NKAIN3: variants seen among roughly 807,000 people sequenced by gnomAD.
The protein encoded by NKAIN3 is sodium/potassium-transporting ATPase subunit beta-1-interacting protein 3.
In NKAIN3, 25 loss-of-function variants were observed where a neutral mutation model predicts 30.2. The ratio of observed to expected loss-of-function variants is 0.83; its 90% CI spans 0.60 to 1.16. The LOEUF (loss-of-function observed/expected upper bound fraction) is 1.16. Ranked by LOEUF, NKAIN3 falls within the 50% of genes most tolerant of loss-of-function variation. The probability of loss-of-function intolerance (pLI) is 0.00; values close to 1 mark genes in which losing one functional copy is unlikely to be tolerated. For synonymous variants in NKAIN3, 91 were observed against 89.6 expected (o/e 1.02, Z -0.09); for missense variants, 225 against 254.1 (o/e 0.89, Z 0.78).
chr8:62,680,659 T>G (rs1813618945), intron 3 of NKAIN3, among the ~76,000 whole-genome samples: 1 of 152,320 alleles, frequency 6.6e-6, no homozygotes, highest in East Asian at 1.9e-4. Context: ...GATTTTCTAA[T>G]GTCTTCTGCC....
chr8:62,637,946 A>G (rs1812185005), intron 3 of NKAIN3, among the ~76,000 whole-genome samples: 1 of 152,192 alleles, frequency 6.6e-6, no homozygotes, highest in Non-Finnish European at 1.5e-5. Context: ...TACTTATGGC[A>G]GTTCTTCATT....
intron 4 of NKAIN3, among the ~76,000 whole-genome samples, chr8:62,784,698 T>A (rs898162988): frequency 4.6e-5 from 7 of 152,160 alleles, no homozygotes; most frequent in African/African-American, 1.7e-4. Context: ...AATATTTTTA[T>A]ACCAATTCTT....
intron 4 of NKAIN3, among the ~76,000 whole-genome samples, chr8:62,777,136 G>A (rs1338226987): frequency 1.3e-5 from 2 of 151,960 alleles, no homozygotes; most frequent in Admixed American, 6.6e-5. Context: ...CTTTATCCTC[G>A]ACTTTTGGGA....
intron 4 of NKAIN3, among the ~76,000 whole-genome samples, chr8:62,748,413 C>T (rs192275404): frequency 6.6e-6 from 1 of 152,288 alleles, no homozygotes; most frequent in East Asian, 1.9e-4. Flanking sequence ...AGTCAACACG[C>T]AAGCATTTGT....
At chr8:62,784,697 A>G (rs1318647204) in intron 4 of NKAIN3, among the ~76,000 whole-genome samples, 1 of 152,178 alleles carries the variant, frequency 6.6e-6, no homozygotes, top group East Asian at 1.9e-4. Flanking sequence ...GAATATTTTT[A>G]TACCAATTCT....
intron 5 of NKAIN3, among the ~76,000 whole-genome samples, chr8:62,994,067 T>C (rs1187385269): frequency 1.3e-5 from 2 of 151,054 alleles, no homozygotes; most frequent in African/African-American, 4.9e-5. Flanking sequence ...TTTGTCACCA[T>C]GTGTTAACAT....
chr8:62,371,990 C>CT (rs1816922157), intron 1 of NKAIN3, among the ~76,000 whole-genome samples: 2 of 151,496 alleles, frequency 1.3e-5, no homozygotes, highest in African/African-American at 2.4e-5. Flanking sequence ...TTCTGTTTTG[C>CT]TTTTTTTTCT....
chr8:62,710,548 A>G (rs1842341), intron 3 of NKAIN3, among the ~76,000 whole-genome samples: 130,366 of 152,072 alleles, frequency 0.86, 56,041 homozygotes, highest in Admixed American at 0.89. Flanking sequence ...ACCCCTGCTC[A>G]CTTTTAGTGT....
intron 1 of NKAIN3, among the ~76,000 whole-genome samples, chr8:62,305,535 G>A (rs1394992808): frequency 2.0e-5 from 3 of 150,500 alleles, no homozygotes; most frequent in African/African-American, 7.5e-5. Context: ...TGCATTCCTA[G>A]AGAATCGCTA....
Position 62,249,002 on chromosome 8 carries a change from G to A in NKAIN3, c.-72G>A. The stretch of plus-strand genomic sequence containing the variant: ...GGCCGGGCCGGGCGGGGACTACTCC[G>A]GAGTCAGGAGGCAGCAGCGGCGGAG... On this transcript the variant is annotated 5_prime_UTR_variant, in exon 1 of 7. Transcript: ENST00000623646. The A allele has an allele frequency of 2.2e-6, 3 of 1,394,760 alleles. No homozygotes were observed. In the South Asian group the frequency reaches 3.7e-5, roughly 17 times the overall value. The allele number at this position is 1,394,760 out of a possible 1,614,324, so 86.4% of individuals were successfully genotyped here. A position where few individuals can be genotyped will look rare whatever the true frequency, so the allele number is the denominator to read the frequency against.
At chr8:62,280,926 T>C (rs1176168096) in intron 1 of NKAIN3, among the ~76,000 whole-genome samples, 1 of 152,216 alleles carries the variant, frequency 6.6e-6, no homozygotes, top group Non-Finnish European at 1.5e-5. Flanking sequence ...TTTCTATTGA[T>C]TGGAATAGTT....
chr8:62,424,517 C>G (rs1415130163), intron 1 of NKAIN3, among the ~76,000 whole-genome samples: 3 of 151,804 alleles, frequency 2.0e-5, no homozygotes, highest in Non-Finnish European at 4.4e-5. Context: ...CCAAAGAAGA[C>G]TTACAAATGG....
At chr8:62,662,062 A>C (rs1812962129) in intron 3 of NKAIN3, among the ~76,000 whole-genome samples, 1 of 152,180 alleles carries the variant, frequency 6.6e-6, no homozygotes, top group Admixed American at 6.5e-5. Context: ...AAGGTCACTT[A>C]GCCCCCACCA....
intron 4 of NKAIN3, among the ~76,000 whole-genome samples, chr8:62,833,867 C>A (rs1464325720): frequency 6.6e-6 from 1 of 151,720 alleles, no homozygotes; most frequent in African/African-American, 2.4e-5. Flanking sequence ...GCAAAGACAC[C>A]ACGAAAAAAG....
chr8:62,581,579 C>T (rs1309511533), intron 2 of NKAIN3, among the ~76,000 whole-genome samples: 1 of 152,202 alleles, frequency 6.6e-6, no homozygotes, highest in Non-Finnish European at 1.5e-5. Context: ...TTTCTCCCTT[C>T]CAATTTGCTC....
chr8:62,512,473 A>T (rs1403815014), intron 1 of NKAIN3, among the ~76,000 whole-genome samples: 1 of 152,112 alleles, frequency 6.6e-6, no homozygotes, highest in East Asian at 1.9e-4. Context: ...CCTGGTTTTG[A>T]GGGATTTGAT....
intron 1 of NKAIN3, among the ~76,000 whole-genome samples, chr8:62,371,246 G>A (rs1816898262): frequency 6.6e-6 from 1 of 151,646 alleles, no homozygotes; most frequent in African/African-American, 2.4e-5. Context: ...ACTTTTCTTA[G>A]TCTATCTTTT....
intron 3 of NKAIN3, among the ~76,000 whole-genome samples, chr8:62,705,285 G>A (rs1264395487): frequency 6.6e-6 from 1 of 152,282 alleles, no homozygotes; most frequent in Non-Finnish European, 1.5e-5. Flanking sequence ...GAATTTCAGA[G>A]TTTAGTCTTT....
At chr8:62,361,010 TAAAAA>T (rs3085311) in intron 1 of NKAIN3, among the ~76,000 whole-genome samples, 5 of 146,016 alleles carry the variant, frequency 3.4e-5, no homozygotes, top group East Asian at 2.0e-4. Flanking sequence ...ATTCCCCAGC[TAAAAA>T]AAAAAAAAAA....
Sources: allele counts gnomAD v4.1 joint callset (sites outside exome capture counted in the v4.1 genomes callset), GRCh38; gene constraint gnomAD v4.1.1; transcripts MANE v1.5; gene names NCBI Gene and HGNC (gene_info 2026-07-23, HGNC 2026-07-21).